DCDC2: variants seen among roughly 807,000 people sequenced by gnomAD.
DCDC2 encodes the protein doublecortin domain-containing protein 2.
Under a neutral mutation model 50.2 loss-of-function variants are expected in DCDC2, and 40 were observed. The observed-to-expected ratio is 0.80, with a 90% CI of 0.62 to 1.04. DCDC2 has a LOEUF of 1.04. Among genes scored for constraint, DCDC2 ranks in the 50% least tolerant of loss-of-function variants. The probability of loss-of-function intolerance (pLI) is 0.00; values close to 1 mark genes in which losing one functional copy is unlikely to be tolerated. For synonymous variants in DCDC2, 234 were observed against 210.6 expected (o/e 1.11, Z -0.96); for missense variants, 570 against 581.9 (o/e 0.98, Z 0.21).
chr6:24,210,957 C>A (rs1193270396), intron 7 of DCDC2, among the ~76,000 whole-genome samples: 2 of 152,220 alleles, frequency 1.3e-5, no homozygotes, highest in Admixed American at 1.3e-4. Flanking sequence ...TTCACAGAGT[C>A]TCTGCCTAAA....
intron 8 of DCDC2, among the ~76,000 whole-genome samples, chr6:24,184,109 C>T (rs930836194): frequency 1.3e-5 from 2 of 152,134 alleles, no homozygotes; most frequent in South Asian, 2.1e-4. Context: ...GGGCAAGTGA[C>T]CAAGTAGGGC....
chr6:24,375,415 A>G, the DCDC2 span, among the ~76,000 whole-genome samples: 1 of 93,642 alleles, frequency 1.1e-5, no homozygotes, highest in Non-Finnish European at 2.5e-5. Flanking sequence ...GGTTCTGTGT[A>G]AACTCCCCCC....
intron 7 of DCDC2, among the ~76,000 whole-genome samples, chr6:24,254,217 C>T (rs1561744712): frequency 6.6e-6 from 1 of 152,104 alleles, no homozygotes; most frequent in Non-Finnish European, 1.5e-5. Context: ...TGGATACCTC[C>T]TGAAACACCT....
chr6:24,316,551 A>G (rs1759669700), intron 2 of DCDC2, among the ~76,000 whole-genome samples: 1 of 152,204 alleles, frequency 6.6e-6, no homozygotes, highest in African/African-American at 2.4e-5. Flanking sequence ...AGTTTTACAT[A>G]TTCTACAGGT....
chr6:24,298,507 G>A (rs1309550974), intron 4 of DCDC2, among the ~76,000 whole-genome samples: 1 of 152,180 alleles, frequency 6.6e-6, no homozygotes, highest in African/African-American at 2.4e-5. Flanking sequence ...CTGCTACTCA[G>A]TATCTCCATA....
chr6:24,278,682 C>T (rs534519052), intron 6 of DCDC2, among the ~76,000 whole-genome samples: 1 of 152,314 alleles, frequency 6.6e-6, no homozygotes, highest in South Asian at 2.1e-4. Flanking sequence ...CACTCCTGCA[C>T]CTTTCTGCAG....
chr6:24,238,281 T>C lies in DCDC2; in HGVS notation c.923-33179A>G, dbSNP rs1444498523. 2.7e-5 allele frequency among the ~76,000 whole-genome samples: 4 copies of C among 147,878 alleles called. No individual in the cohort carries two copies. The South Asian group carries it at 9.0e-4, about 33-fold the overall frequency. ...TCAAACCACATCTTGGACACTTGTG[T>C]TTCATTCCATGCATCTCACATTACT... On this transcript the variant is annotated intron_variant, in intron 7 of 9. Coordinates refer to ENST00000378454, the MANE Select transcript of DCDC2 (RefSeq NM_016356.5).
the DCDC2 span, among the ~76,000 whole-genome samples, chr6:24,374,054 C>T: frequency 1.3e-5 from 2 of 150,014 alleles, no homozygotes; most frequent in Admixed American, 6.7e-5. Flanking sequence ...TCCAGCTACT[C>T]GGGAGGCTGA....
chr6:24,261,594 G>T (rs1763010826), intron 7 of DCDC2, among the ~76,000 whole-genome samples: 4 of 152,126 alleles, frequency 2.6e-5, no homozygotes, highest in Admixed American at 2.6e-4. Context: ...CATGGGCTCT[G>T]AGAGGGTCCC....
chr6:24,285,413 G>A (rs1319490695), intron 6 of DCDC2, among the ~76,000 whole-genome samples: 2 of 151,996 alleles, frequency 1.3e-5, no homozygotes, highest in Admixed American at 1.3e-4. Context: ...TCATATTACT[G>A]TGCACTTTTC....
intron 7 of DCDC2, among the ~76,000 whole-genome samples, chr6:24,270,475 C>T (rs1256141116): frequency 2.0e-5 from 3 of 152,162 alleles, no homozygotes; most frequent in African/African-American, 2.4e-5. Context: ...CATGCACACA[C>T]ACACATATAT....
At chr6:24,350,397 C>T (rs1460780383) in intron 2 of DCDC2, among the ~76,000 whole-genome samples, 3 of 152,300 alleles carry the variant, frequency 2.0e-5, no homozygotes, top group South Asian at 2.1e-4. Context: ...GGACCCAGTG[C>T]CACACACTCT....
intron 8 of DCDC2, among the ~76,000 whole-genome samples, chr6:24,193,474 G>A (rs1275329798): frequency 2.0e-5 from 3 of 152,178 alleles, no homozygotes; most frequent in Non-Finnish European, 4.4e-5. Context: ...ATCACTGAAT[G>A]TATGTGAATG....
chr6:24,308,437 TAGA>T (rs1759512800), intron 2 of DCDC2, among the ~76,000 whole-genome samples: 1 of 152,178 alleles, frequency 6.6e-6, no homozygotes. Flanking sequence ...AGCAGCCCAA[TAGA>T]AGAAGGGGAC....
At chr6:24,279,448 G>A (rs145585998) in intron 6 of DCDC2, among the ~76,000 whole-genome samples, 1 of 152,204 alleles carries the variant, frequency 6.6e-6, no homozygotes, top group African/African-American at 2.4e-5. Flanking sequence ...TGGCGTGCTG[G>A]TACATGCCTG....
At chr6:24,277,925 C>T (rs887970477) in intron 7 of DCDC2, 124 bp downstream of exon 7, 12 of 801,432 alleles carry the variant, frequency 1.5e-5, no homozygotes, top group African/African-American at 1.0e-4. Flanking sequence ...TATACAAATA[C>T]AATTTTCTTT....
At chr6:24,372,238 G>C in the DCDC2 span, among the ~76,000 whole-genome samples, 1 of 152,108 alleles carries the variant, frequency 6.6e-6, no homozygotes, top group African/African-American at 2.4e-5. Context: ...TGGCTAACAC[G>C]GTGAAACCCC....
At chr6:24,358,841 AT>A (rs1283774972), upstream of DCDC2, among the ~76,000 whole-genome samples, 654 of 26,998 alleles carry the variant, frequency 0.024, 17 homozygotes, top group African/African-American at 0.029. Flanking sequence ...TTATATATAT[AT>A]TTATATATTA....
upstream of DCDC2, among the ~76,000 whole-genome samples, chr6:24,359,177 ATT>A (rs1561789133): frequency 2.1e-5 from 1 of 47,474 alleles, no homozygotes; most frequent in African/African-American, 9.7e-5. Context: ...TTTTATATAT[ATT>A]TTATATATTT....
Sources: gnomAD v4.1 joint callset for allele counts (sites outside exome capture counted in the v4.1 genomes callset) on GRCh38, gnomAD v4.1.1 for gene constraint, MANE v1.5 for transcripts, NCBI Gene and HGNC (gene_info 2026-07-23, HGNC 2026-07-21) for gene names.